The following ZNF365 variants were observed in gnomAD, a reference collection of about 807,000 sequenced individuals.
The protein encoded by ZNF365 is zinc finger protein 365, also known as protein ZNF365.
Under a neutral mutation model 35.0 loss-of-function variants are expected in ZNF365, and 22 were observed. The observed-to-expected ratio is 0.63, with a 90% CI of 0.45 to 0.90. The LOEUF is 0.90. ZNF365 is among the 40% of genes least tolerant of loss of function. The pLI, the probability that ZNF365 is intolerant of heterozygous loss-of-function variation, is 0.00. For synonymous variants in ZNF365, 188 were observed against 196.2 expected, an observed-to-expected ratio of 0.96 and a Z score of 0.35; for missense variants, 448 against 500.3, an observed-to-expected ratio of 0.90 and a Z score of 1.00.
chr10:62,471,177 T>C (rs1016720280), intron 4 of ZNF365, among the ~76,000 whole-genome samples: 4 of 151,936 alleles, frequency 2.6e-5, no homozygotes, highest in Non-Finnish European at 5.9e-5. Flanking sequence ...TCATCCTGGC[T>C]AACATGGTGA....
In ZNF365 at chr10:62,458,720, T is replaced by A. The variant is rs138348604; in HGVS notation, c.925-1021T>A. Reference sequence around the variant, plus strand: ...TTATTTTTTAATAATATTAGCTGAGTTTTTGGTCTTTTTTCCTACCTGAAT... The same window carrying A: ...TTATTTTTTAATAATATTAGCTGAGATTTTGGTCTTTTTTCCTACCTGAAT... On this transcript the variant is annotated intron_variant, in intron 3 of 4. Transcript: ENST00000395255. Among the ~76,000 whole-genome samples the A allele has an allele frequency of 3.7e-3, 558 of 152,192 alleles. 3 individuals are homozygous for A. Among genetic ancestry groups the A allele is most frequent in the Middle Eastern group, 6.8e-3 (2 of 294 alleles).
intron 3 of ZNF365, among the ~76,000 whole-genome samples, chr10:62,441,965 C>A (rs534448263): frequency 6.6e-6 from 1 of 152,252 alleles, no homozygotes; most frequent in African/African-American, 2.4e-5. Context: ...GGAGCCCCGT[C>A]AATCAAAGAT....
intron 3 of ZNF365, among the ~76,000 whole-genome samples, chr10:62,428,606 G>A (rs1840285852): frequency 1.3e-5 from 2 of 152,150 alleles, no homozygotes; most frequent in African/African-American, 4.8e-5. Flanking sequence ...CCAGTCTTGG[G>A]CAGTTCTTTA....
chr10:62,414,970 C>T (rs1840049774), intron 3 of ZNF365, among the ~76,000 whole-genome samples: 1 of 152,194 alleles, frequency 6.6e-6, no homozygotes, highest in Non-Finnish European at 1.5e-5. Flanking sequence ...TGTCTAATCA[C>T]TGTCAAACTC....
chr10:62,407,019 C>A (rs954807046), downstream of ZNF365, among the ~76,000 whole-genome samples: 1 of 152,342 alleles, frequency 6.6e-6, no homozygotes, highest in Non-Finnish European at 1.5e-5. Flanking sequence ...AAGAGAAAAA[C>A]TACAACAGTA....
intron 2 of ZNF365, among the ~76,000 whole-genome samples, chr10:62,386,350 G>A (rs940580627): frequency 2.0e-5 from 3 of 152,110 alleles, no homozygotes; most frequent in African/African-American, 4.8e-5. Flanking sequence ...GAAACTTGAC[G>A]ATGAAAAAAA....
chr10:62,436,201 C>T (rs897794431), intron 3 of ZNF365, among the ~76,000 whole-genome samples: 1 of 152,026 alleles, frequency 6.6e-6, no homozygotes, highest in Non-Finnish European at 1.5e-5. Flanking sequence ...GTGTAACTGG[C>T]AATCCCACCA....
intron 3 of ZNF365, among the ~76,000 whole-genome samples, chr10:62,397,495 A>G (rs1235814910): frequency 2.0e-5 from 3 of 152,198 alleles, no homozygotes; most frequent in African/African-American, 7.2e-5. Flanking sequence ...CACTTATTCT[A>G]GTGAAAACTA....
At chr10:62,475,358 G>A (rs143731634) in intron 4 of ZNF365, among the ~76,000 whole-genome samples, 2 of 152,278 alleles carry the variant, frequency 1.3e-5, no homozygotes, top group East Asian at 3.9e-4. Flanking sequence ...GGAGTTCAAG[G>A]CTGAAGTGCA....
intron 3 of ZNF365, among the ~76,000 whole-genome samples, chr10:62,439,496 G>A (rs1457535489): frequency 1.3e-5 from 2 of 152,014 alleles, no homozygotes; most frequent in African/African-American, 4.8e-5. Context: ...AAGCATAGGG[G>A]AAATACACTG....
At chr10:62,418,701 G>A (rs1247622553) in intron 3 of ZNF365, among the ~76,000 whole-genome samples, 1 of 152,064 alleles carries the variant, frequency 6.6e-6, no homozygotes, top group African/African-American at 2.4e-5. Context: ...GTCTGTTTAA[G>A]CATATTCATC....
chr10:62,389,583 G>T (rs986755449), intron 3 of ZNF365, among the ~76,000 whole-genome samples: 4 of 152,084 alleles, frequency 2.6e-5, no homozygotes, highest in African/African-American at 9.7e-5. Context: ...CTGGAAGCCA[G>T]GGTGAAAAGG....
rs553506467 is a variant in ZNF365 at position 62,425,041 on chromosome 10, C to A, written c.925-34700C>A. Among the ~76,000 whole-genome samples, 10 of 152,226 alleles carry A rather than the reference C, an allele frequency of 6.6e-5. No individual in the cohort carries two copies. The East Asian group carries it at 1.7e-3, about 26-fold the overall frequency. Reference sequence around the variant, plus strand: ...GCTCTGTCACCTTTAGAAACACATCCTTTTGGGTCTTAGAAGTTTTTCATT... The same window carrying A: ...GCTCTGTCACCTTTAGAAACACATCATTTTGGGTCTTAGAAGTTTTTCATT... On this transcript the variant is annotated intron_variant, in intron 3 of 4. Coordinates refer to the ZNF365 transcript ENST00000395255.
intron 4 of ZNF365, among the ~76,000 whole-genome samples, chr10:62,476,127 T>C (rs1048115587): frequency 2.6e-5 from 4 of 151,656 alleles, no homozygotes; most frequent in African/African-American, 4.9e-5. Context: ...AGGGTTTCTA[T>C]GGCCCAGGGA....
At chr10:62,434,729 T>C (rs1324817591) in intron 3 of ZNF365, among the ~76,000 whole-genome samples, 1 of 152,220 alleles carries the variant, frequency 6.6e-6, no homozygotes, top group African/African-American at 2.4e-5. Flanking sequence ...AAATTAGTGT[T>C]GTCATTGCAG....
chr10:62,406,219 A>T (rs1020063056), downstream of ZNF365, among the ~76,000 whole-genome samples: 1 of 151,950 alleles, frequency 6.6e-6, no homozygotes, highest in Non-Finnish European at 1.5e-5. Flanking sequence ...CTCTCCATGC[A>T]CTGCTTCCCT....
intron 3 of ZNF365, among the ~76,000 whole-genome samples, chr10:62,422,747 G>A (rs900897545): frequency 2.0e-5 from 3 of 152,106 alleles, no homozygotes; most frequent in African/African-American, 7.2e-5. Context: ...AGCCCATCAT[G>A]AGTTAGGTGT....
intron 3 of ZNF365, among the ~76,000 whole-genome samples, chr10:62,409,370 C>G (rs1839951910): frequency 6.6e-6 from 1 of 152,088 alleles, no homozygotes; most frequent in African/African-American, 2.4e-5. Context: ...TCTGTCCTCC[C>G]CAGAGATAAT....
At chr10:62,378,706 TAC>T (rs1233898146) in intron 2 of ZNF365, among the ~76,000 whole-genome samples, 3 of 152,342 alleles carry the variant, frequency 2.0e-5, no homozygotes, top group African/African-American at 7.2e-5. Context: ...CCTGCAATCG[TAC>T]ACACACAGAT....
Sources: gnomAD v4.1 joint callset for allele counts (sites outside exome capture counted in the v4.1 genomes callset) on GRCh38, gnomAD v4.1.1 for gene constraint, MANE v1.5 for transcripts, NCBI Gene and HGNC (gene_info 2026-07-23, HGNC 2026-07-21) for gene names.